KANSL1: variants seen among roughly 807,000 people sequenced by gnomAD.
KANSL1 encodes the protein KAT8 regulatory NSL complex subunit 1, also known as MLL1/MLL complex subunit KANSL1.
A neutral mutation model predicts 103.6 loss-of-function variants in KANSL1; 22 were observed. The observed-to-expected ratio is 0.21, with a 90% confidence interval of 0.15 to 0.30. KANSL1 has a LOEUF of 0.30. KANSL1 is among the 10% of genes least tolerant of loss of function. The pLI is 1.00. For synonymous variants in KANSL1, 600 were observed against 527.6 expected (o/e 1.14, Z -1.88); for missense variants, 1,337 against 1,399.8 (o/e 0.96, Z 0.72).
At chr17:46,152,159 G>C (rs2045142318) in intron 2 of KANSL1, among the ~76,000 whole-genome samples, 2 of 152,236 alleles carry the variant, frequency 1.3e-5, no homozygotes, top group Admixed American at 6.5e-5. Flanking sequence ...TATGAATTTT[G>C]AGGGAATTGG....
chr17:46,208,939 G>A (rs2048069066), intron 1 of KANSL1, among the ~76,000 whole-genome samples: 1 of 152,124 alleles, frequency 6.6e-6, no homozygotes, highest in African/African-American at 2.4e-5. Context: ...GGGAGGCCGA[G>A]TGGGGCGGAT....
In KANSL1 at chr17:46,067,631, C is replaced by A; in HGVS notation, c.1570G>T (p.Ala524Ser). The change falls in exon 5 of 15, where the codon GCC becomes TCC. Residue 524 changes from alanine to serine, a missense_variant. Physicochemically the swap from Ala to Ser is moderately conservative, Grantham distance 99 (BLOSUM62 1). This residue lies in a region of KANSL1 where 780 missense variants were observed against 923.4 expected (regional missense o/e 0.84). Coordinates refer to ENST00000432791, the MANE Select transcript of KANSL1 (RefSeq NM_015443.4). ...TCTGAAATATGACCAATAATAGGGG[C>A]ACCATGGTTTTCCAATGGCTGAGAA... Reference protein sequence around the residue: ...SVSQPLENHGAPIIGHISESL... With the variant: ...SVSQPLENHGSPIIGHISESL... 1 of 1,604,526 alleles carries A rather than the reference C, an allele frequency of 6.2e-7. No homozygotes were observed. Among genetic ancestry groups the A allele is most frequent in the Non-Finnish European group, 8.5e-7 (1 of 1,171,398 alleles).
At chr17:46,211,077 G>A (rs1485381044) in intron 1 of KANSL1, among the ~76,000 whole-genome samples, 8 of 152,078 alleles carry the variant, frequency 5.3e-5, no homozygotes, top group Non-Finnish European at 1.0e-4. Flanking sequence ...CGAGGAAATG[G>A]CAGGTATGTT....
intron 2 of KANSL1, among the ~76,000 whole-genome samples, chr17:46,118,477 G>C (rs2043138572): frequency 6.6e-6 from 1 of 152,188 alleles, no homozygotes. Context: ...CTACACTAGA[G>C]ATCAAACTTT....
intron 4 of KANSL1, among the ~76,000 whole-genome samples, chr17:46,076,252 T>C (rs1037133799): frequency 1.3e-5 from 2 of 152,020 alleles, no homozygotes; most frequent in South Asian, 4.2e-4. Context: ...CCCAGCACTT[T>C]GGGAGGCCGA....
chr17:46,192,787 CAGG>C lies in KANSL1; in HGVS notation c.-90+33_-90+35del, dbSNP rs143625699. The C allele has an allele frequency of 0.11, 17,820 of 155,472 alleles. No homozygotes were observed. The highest frequency in any genetic ancestry group is 0.17 in the Non-Finnish European group (12,075 of 70,534). 9.6% of individuals were successfully genotyped at this position (155,472 alleles called of 1,614,324 possible). On this transcript the variant is annotated intron_variant, in intron 1 of 14. Coordinates refer to ENST00000432791, the MANE Select transcript of KANSL1 (RefSeq NM_015443.4). ...GAGCGAGGAGAAGGAGAAAGGGCAG[CAGG>C]AGGAGGAGGAGAGGAGCAGCAGCAG...
chr17:46,063,913 A>T (rs11870844), intron 6 of KANSL1, among the ~76,000 whole-genome samples: 77,160 of 127,954 alleles, frequency 0.6, 20,637 homozygotes, highest in South Asian at 0.77. Flanking sequence ...TTTTTTTTTT[A>T]AAATGTAAAA....
chr17:46,129,607 T>C (rs563105514), intron 2 of KANSL1, among the ~76,000 whole-genome samples: 1 of 152,324 alleles, frequency 6.6e-6, no homozygotes, highest in South Asian at 2.1e-4. Context: ...AGTCAGAGTG[T>C]GGAGTGTTTT....
chr17:46,031,214 A>C lies in KANSL1; in HGVS notation c.*262T>G. The C allele has an allele frequency of 1.8e-6, 1 of 567,446 alleles. No homozygotes were observed. The highest frequency in any genetic ancestry group is 3.2e-6 in the Non-Finnish European group (1 of 316,424). 35.2% of individuals were successfully genotyped at this position (567,446 alleles called of 1,614,324 possible). A position where few individuals can be genotyped will look rare whatever the true frequency, so the allele number is the denominator to read the frequency against. On this transcript the variant is annotated 3_prime_UTR_variant, in exon 15 of 15. Coordinates refer to ENST00000432791, the MANE Select transcript of KANSL1 (RefSeq NM_015443.4). ...GATTCAACAGTGCAGAGGATGTGCC[A>C]GGACCAGGCCAGCAGGGTCTCATCC...
At chr17:46,058,739 A>ACT (rs2078028927) in intron 6 of KANSL1, among the ~76,000 whole-genome samples, 7 of 30,124 alleles carry the variant, frequency 2.3e-4, no homozygotes, top group African/African-American at 5.0e-4. Flanking sequence ...ACACACACAC[A>ACT]CACACTCTCT....
intron 1 of KANSL1, among the ~76,000 whole-genome samples, chr17:46,209,206 G>C (rs1307106738): frequency 2.0e-5 from 3 of 151,988 alleles, no homozygotes; most frequent in Admixed American, 1.3e-4. Flanking sequence ...AAAATGCAAA[G>C]TCACCTAAGA....
At chr17:46,195,501 T>A (rs1346172567), upstream of KANSL1, among the ~76,000 whole-genome samples, 5 of 152,260 alleles carry the variant, frequency 3.3e-5, no homozygotes, top group Non-Finnish European at 7.3e-5. Context: ...TTATGGCACT[T>A]AAATCAGTCA....
intron 2 of KANSL1, among the ~76,000 whole-genome samples, chr17:46,142,291 G>A (rs962930180): frequency 1.3e-5 from 2 of 152,122 alleles, no homozygotes; most frequent in Admixed American, 6.5e-5. Flanking sequence ...TTTACCAAAG[G>A]ATAAATATCT....
intron 1 of KANSL1, among the ~76,000 whole-genome samples, chr17:46,214,773 A>G (rs140034546): frequency 2.4e-3 from 367 of 152,312 alleles, no homozygotes; most frequent in Non-Finnish European, 3.5e-3. Context: ...CAATCAGTAC[A>G]ATAGAAGTGC....
intron 1 of KANSL1, among the ~76,000 whole-genome samples, chr17:46,208,469 C>T (rs1438060115): frequency 1.3e-5 from 2 of 151,880 alleles, no homozygotes; most frequent in African/African-American, 4.8e-5. Flanking sequence ...AAAAAATAGC[C>T]AGGTGTGGCA....
intron 1 of KANSL1, among the ~76,000 whole-genome samples, chr17:46,180,498 C>G (rs537372587): frequency 6.6e-6 from 1 of 151,742 alleles, no homozygotes; most frequent in South Asian, 2.1e-4. Context: ...GACTCCATCT[C>G]AAAAAAAGAA....
chr17:46,185,321 C>A (rs1274308313), intron 1 of KANSL1, among the ~76,000 whole-genome samples: 3 of 152,204 alleles, frequency 2.0e-5, no homozygotes, highest in Non-Finnish European at 4.4e-5. Context: ...CAAGAAGAGG[C>A]ATCAACTGAA....
At chr17:46,200,850 G>A (rs1477675279) in intron 1 of KANSL1, among the ~76,000 whole-genome samples, 1 of 152,016 alleles carries the variant, frequency 6.6e-6, no homozygotes, top group Non-Finnish European at 1.5e-5. Context: ...AGGGACTTTG[G>A]AAGATGGCAG....
intron 7 of KANSL1, chr17:46,045,412 A>G (rs2077468198): frequency 6.6e-6 from 1 of 151,982 alleles, no homozygotes; most frequent in Admixed American, 6.5e-5. Context: ...ACAGGCAAAT[A>G]CAGTAGTTAA....
Sources: allele counts gnomAD v4.1 joint callset (sites outside exome capture counted in the v4.1 genomes callset), GRCh38; gene constraint gnomAD v4.1.1; regional missense constraint gnomAD v4.1.1; transcripts MANE v1.5; gene names NCBI Gene and HGNC (gene_info 2026-07-23, HGNC 2026-07-21).